Variants in MREG observed in about 807,000 individuals in gnomAD.
MREG encodes dilute suppressor protein homolog.
Under a neutral mutation model 28.5 loss-of-function variants are expected in MREG, and 31 were observed. The ratio of observed to expected loss-of-function variants is 1.09; its 90% CI spans 0.82 to 1.47. MREG has a LOEUF of 1.47. MREG is among the 40% of genes most tolerant of loss of function. The pLI is 0.00. For synonymous variants in MREG, 106 were observed against 95.2 expected (o/e 1.11, Z -0.66); for missense variants, 256 against 257.4 (o/e 0.99, Z 0.04).
At chr2:215,969,516 G>A (rs1693031678) in intron 2 of MREG, among the ~76,000 whole-genome samples, 1 of 152,158 alleles carries the variant, frequency 6.6e-6, no homozygotes, top group Non-Finnish European at 1.5e-5. Context: ...TTTCTCTTGA[G>A]TGCCCGTTTC....
chr2:216,015,150 C>CGTACGTGTGCGCGCGCGCGTGCGTGT (rs1694421877), upstream of MREG, among the ~76,000 whole-genome samples: 1 of 55,230 alleles, frequency 1.8e-5, no homozygotes, highest in South Asian at 4.9e-4. Context: ...TCTGTGCGTG[C>CGTACGTGTGCGCGCGCGCGTGCGTGT]GTACGTGTGC....
At chr2:215,956,091 C>T in intron 2 of MREG, among the ~76,000 whole-genome samples, 1 of 152,120 alleles carries the variant, frequency 6.6e-6, no homozygotes, top group East Asian at 1.9e-4. Context: ...AATATAAAGG[C>T]CAAAATTTAT....
At chr2:215,962,621 T>C (rs943120937) in intron 2 of MREG, among the ~76,000 whole-genome samples, 6 of 152,166 alleles carry the variant, frequency 3.9e-5, no homozygotes, top group South Asian at 2.1e-4. Flanking sequence ...GCATGTACCA[T>C]TGAGAAAGGC....
intron 2 of MREG, among the ~76,000 whole-genome samples, chr2:215,967,563 T>A (rs1287098241): frequency 1.3e-5 from 2 of 152,220 alleles, no homozygotes; most frequent in Non-Finnish European, 2.9e-5. Flanking sequence ...TCAGGGGGTA[T>A]AAGAAGTCTT....
chr2:215,987,149 ATATAT>A (rs2106006698), intron 2 of MREG, among the ~76,000 whole-genome samples: 1 of 152,350 alleles, frequency 6.6e-6, no homozygotes, highest in Non-Finnish European at 1.5e-5. Context: ...TATGTCCAAA[ATATAT>A]TAAGTGGGAA....
intron 2 of MREG, among the ~76,000 whole-genome samples, chr2:215,949,090 A>C (rs147372481): frequency 0.017 from 2,257 of 130,198 alleles, 19 homozygotes; most frequent in Non-Finnish European, 0.021. Context: ...ACTACTACTA[A>C]TAATAATAAT....
In MREG at chr2:215,942,778, C is replaced by CA. The variant is rs1692216063; in HGVS notation, c.*2084_*2085insT. ...GAAAGGCAAAATACAAATTCTGAGA[C>CA]CGAGAGTAAAACAATACGACATCCT... On this transcript the variant is annotated 3_prime_UTR_variant, in exon 5 of 5. Coordinates refer to ENST00000263268, the MANE Select transcript of MREG (RefSeq NM_018000.3). 6.6e-6 allele frequency: 1 copy of CA among 152,558 alleles called. No homozygotes were observed. Among genetic ancestry groups the CA allele is most frequent in the Non-Finnish European group, 1.5e-5 (1 of 68,028 alleles). The allele number at this position is 152,558 out of a possible 1,614,324, so 9.5% of individuals were successfully genotyped here.
At chr2:215,990,196 T>G (rs1307954166) in intron 2 of MREG, among the ~76,000 whole-genome samples, 1 of 151,106 alleles carries the variant, frequency 6.6e-6, no homozygotes, top group Non-Finnish European at 1.5e-5. Flanking sequence ...ACAGCGGATC[T>G]CTCTGCAGAA....
At position 215,944,684 on chromosome 2, in the gene MREG, C is replaced by T; in HGVS notation, c.*179G>A. 1 of 539,182 alleles carries T rather than the reference C, an allele frequency of 1.9e-6. No individual in the cohort carries two copies. The highest frequency in any genetic ancestry group is 3.0e-6 in the Non-Finnish European group (1 of 330,494). 33.4% of individuals were successfully genotyped at this position (539,182 alleles called of 1,614,324 possible). On this transcript the variant is annotated 3_prime_UTR_variant, in exon 5 of 5. Coordinates refer to ENST00000263268, the MANE Select transcript of MREG (RefSeq NM_018000.3). Reference sequence around the variant, plus strand: ...AGATCACCAAGGCGTTTCAATGCAGCCTGCACAATTCATGGGGCAGGGTCC... The same window carrying T: ...AGATCACCAAGGCGTTTCAATGCAGTCTGCACAATTCATGGGGCAGGGTCC...
At chr2:215,979,467 A>AAATAATAATAAT (rs201080423) in intron 2 of MREG, among the ~76,000 whole-genome samples, 5 of 132,494 alleles carry the variant, frequency 3.8e-5, no homozygotes, top group Non-Finnish European at 7.8e-5. Flanking sequence ...CCATCTCAAA[A>AAATAATAATAAT]AATAATAATA....
At chr2:215,975,814 C>G (rs147966162) in intron 2 of MREG, among the ~76,000 whole-genome samples, 1,539 of 152,206 alleles carry the variant, frequency 0.01, 18 homozygotes, top group African/African-American at 0.035. Context: ...GGCCGGGCGC[C>G]GTGGCTCACA....
intron 2 of MREG, among the ~76,000 whole-genome samples, chr2:215,983,357 G>T (rs936777958): frequency 6.6e-6 from 1 of 152,190 alleles, no homozygotes; most frequent in Admixed American, 6.5e-5. Flanking sequence ...GCTGGTCCAC[G>T]ATCAGTTCAA....
intron 1 of MREG, among the ~76,000 whole-genome samples, chr2:216,002,773 CCTT>C: frequency 6.6e-6 from 1 of 152,206 alleles, no homozygotes; most frequent in East Asian, 1.9e-4. Context: ...TCCCCATTCT[CCTT>C]CTTTGTCTTT....
upstream of MREG, among the ~76,000 whole-genome samples, chr2:216,016,515 C>T (rs1282244863): frequency 1.3e-5 from 2 of 152,136 alleles, no homozygotes. Context: ...TGCCCCATTA[C>T]TAACTTTGAT....
At chr2:215,964,664 T>C (rs1257641106) in intron 2 of MREG, among the ~76,000 whole-genome samples, 3 of 152,148 alleles carry the variant, frequency 2.0e-5, no homozygotes, top group African/African-American at 7.2e-5. Context: ...AAAAATAAAA[T>C]GAAATTGTCC....
intron 1 of MREG, among the ~76,000 whole-genome samples, chr2:216,028,407 A>G (rs1467103042): frequency 1.3e-5 from 2 of 151,834 alleles, no homozygotes; most frequent in Non-Finnish European, 2.9e-5. Context: ...GGGCACCTGT[A>G]GTCCCAGCTA....
rs58937716 is a variant in MREG, at chr2:215,975,008, T to TTATATATATATA, written c.255+21286_255+21297dup. On this transcript the variant is annotated intron_variant, in intron 2 of 4. Coordinates refer to ENST00000263268, the MANE Select transcript of MREG (RefSeq NM_018000.3). ...GGGAGAGAATTTTATTTTATATGAATTATATATATATATATATATGAAATA... is the reference window on the plus strand; with the variant it reads ...GGGAGAGAATTTTATTTTATATGAATTATATATATATATATATATATATATATATATGAAATA... Among the ~76,000 whole-genome samples the TTATATATATATA allele has an allele frequency of 2.7e-3, 293 of 106,604 alleles. 10 individuals are homozygous for TTATATATATATA. Among genetic ancestry groups the TTATATATATATA allele is most frequent in the African/African-American group, 6.6e-3 (211 of 31,748 alleles). The allele number at this position is 106,604 out of a possible 152,430, so 69.9% of individuals were successfully genotyped here. A position where few individuals can be genotyped will look rare whatever the true frequency, so the allele number is the denominator to read the frequency against.
chr2:215,940,384 A>C (rs1248605078), downstream of MREG, among the ~76,000 whole-genome samples: 1 of 152,232 alleles, frequency 6.6e-6, no homozygotes, highest in Admixed American at 6.5e-5. Context: ...TGATCCGAGG[A>C]AATGAATAAA....
intron 2 of MREG, among the ~76,000 whole-genome samples, chr2:215,966,819 C>A (rs553749005): frequency 2.4e-4 from 37 of 152,252 alleles, no homozygotes; most frequent in African/African-American, 7.0e-4. Flanking sequence ...TCAGGCTGGT[C>A]TCGAACTCCT....
Sources: allele counts gnomAD v4.1 joint callset (sites outside exome capture counted in the v4.1 genomes callset), GRCh38; gene constraint gnomAD v4.1.1; transcripts MANE v1.5; gene names NCBI Gene and HGNC (gene_info 2026-07-23, HGNC 2026-07-21).